Variants in UBAP1 observed in about 807,000 individuals in gnomAD.
The protein encoded by UBAP1 is ubiquitin-associated protein 1.
UBAP1 carries 5 observed loss-of-function variants against 39.0 expected under a neutral mutation model. The observed-to-expected ratio is 0.13, with a 90% CI of 0.07 to 0.27. UBAP1 has a LOEUF of 0.27. Ranked by LOEUF, UBAP1 falls within the 10% of genes least tolerant of loss-of-function variation. The probability of loss-of-function intolerance (pLI) is 1.00; values close to 1 mark genes in which losing one functional copy is unlikely to be tolerated. For missense variants in UBAP1, 490 were observed against 608.1 expected (o/e 0.81, Z 2.04); for synonymous variants, 211 against 225.1 (o/e 0.94, Z 0.56).
At chr9:34,201,104 G>T (rs374026316) in intron 1 of UBAP1, among the ~76,000 whole-genome samples, 1 of 152,052 alleles carries the variant, frequency 6.6e-6, no homozygotes, top group African/African-American at 2.4e-5. Context: ...TAGTGGAGAC[G>T]TGGTTTCTCC....
intron 1 of UBAP1, among the ~76,000 whole-genome samples, chr9:34,215,981 A>G (rs543440128): frequency 6.6e-6 from 1 of 152,208 alleles, no homozygotes; most frequent in South Asian, 2.1e-4. Flanking sequence ...TATCAGCTCT[A>G]TTGAGGCATG....
intron 1 of UBAP1, among the ~76,000 whole-genome samples, chr9:34,199,313 T>TC (rs1160479284): frequency 2.0e-5 from 3 of 152,104 alleles, no homozygotes; most frequent in Non-Finnish European, 2.9e-5. Context: ...GACCTTGTGA[T>TC]CCCCCCGCCT....
chr9:34,248,381 G>A (rs529137633), intron 4 of UBAP1, among the ~76,000 whole-genome samples: 2 of 152,310 alleles, frequency 1.3e-5, no homozygotes, highest in South Asian at 4.1e-4. Context: ...CTGGGTGTAT[G>A]CCTGCATCCC....
At chr9:34,239,727 G>A (rs1173588476) in intron 3 of UBAP1, among the ~76,000 whole-genome samples, 1 of 152,132 alleles carries the variant, frequency 6.6e-6, no homozygotes, top group African/African-American at 2.4e-5. Flanking sequence ...TCTGTAAAGG[G>A]AGGATGAGGA....
intron 1 of UBAP1, among the ~76,000 whole-genome samples, chr9:34,207,130 C>T (rs763331970): frequency 2.2e-5 from 3 of 136,740 alleles, no homozygotes; most frequent in Non-Finnish European, 4.5e-5. Flanking sequence ...CAGCTCACTG[C>T]AACCTCTGCC....
intron 1 of UBAP1, among the ~76,000 whole-genome samples, chr9:34,212,392 A>AACACACACAC (rs35251034): frequency 0.097 from 13,777 of 142,076 alleles, 827 homozygotes; most frequent in East Asian, 0.29. Flanking sequence ...TTTCTATTAA[A>AACACACACAC]ACACACACAC....
intron 1 of UBAP1, among the ~76,000 whole-genome samples, chr9:34,187,017 C>T (rs1056841250): frequency 6.6e-6 from 1 of 152,106 alleles, no homozygotes; most frequent in African/African-American, 2.4e-5. Context: ...AAGCAATTCT[C>T]CTGTCTCAGC....
At position 34,179,076 on chromosome 9, in the gene UBAP1, C is replaced by G; in HGVS notation, c.-172C>G. 11 of 1,279,022 alleles carry G rather than the reference C, an allele frequency of 8.6e-6. No individual in the cohort carries two copies. Among genetic ancestry groups the G allele is most frequent in the Non-Finnish European group, 1.1e-5 (11 of 1,010,620 alleles). 79.2% of individuals were successfully genotyped at this position (1,279,022 alleles called of 1,614,324 possible). A position where few individuals can be genotyped will look rare whatever the true frequency, so the allele number is the denominator to read the frequency against. On this transcript the variant is annotated 5_prime_UTR_variant, in exon 1 of 7. Transcript: ENST00000297661. ...GGACTTCAACATGGCGGCTGCGGCA[C>G]TGGCGGTGGCTACGGTGACGGCCTG...
chr9:34,228,736 A>T (rs1833247205), intron 2 of UBAP1, among the ~76,000 whole-genome samples: 2 of 140,894 alleles, frequency 1.4e-5, no homozygotes, highest in African/African-American at 2.6e-5. Flanking sequence ...TGCCTAGCTA[A>T]TTTTTTTTTT....
chr9:34,238,530 C>T (rs1336228629), intron 3 of UBAP1, among the ~76,000 whole-genome samples: 5 of 152,174 alleles, frequency 3.3e-5, no homozygotes, highest in Admixed American at 2.0e-4. Context: ...CTTATTAACT[C>T]GTTTTCATTA....
At chr9:34,189,479 G>T (rs773536350) in intron 1 of UBAP1, among the ~76,000 whole-genome samples, 3 of 151,850 alleles carry the variant, frequency 2.0e-5, no homozygotes, top group Non-Finnish European at 2.9e-5. Context: ...ATGAGCCACC[G>T]CACCCGGCCG....
At chr9:34,205,350 T>C (rs917207177) in intron 1 of UBAP1, among the ~76,000 whole-genome samples, 1 of 152,222 alleles carries the variant, frequency 6.6e-6, no homozygotes, top group African/African-American at 2.4e-5. Context: ...ATTCTGATTT[T>C]TAACTAGTCA....
chr9:34,241,374 A>G lies in UBAP1; in HGVS notation c.349A>G (p.Ile117Val), dbSNP rs145771010. The change falls in exon 4 of 7, where the codon ATT becomes GTT. Residue 117 changes from isoleucine (I) to valine (V), a missense_variant. By Grantham distance (29) the Ile-to-Val change is conservative. Around this residue, in one of 3 missense-constraint regions of UBAP1, gnomAD observed 144 missense variants for 184.4 expected, o/e 0.78. Coordinates refer to ENST00000297661, the MANE Select transcript of UBAP1 (RefSeq NM_016525.5). ...CAGTACAGCCACAATGCCACCTCCT[A>G]TTAACCCCATCCTCGCCAGCTTGCA... ...THSTATMPPPINPILASLQHN... is the reference protein window; with the variant it reads ...THSTATMPPPVNPILASLQHN... 4 of 1,556,354 alleles carry G rather than the reference A, an allele frequency of 2.6e-6. No homozygotes were observed. The African/African-American group carries it at 5.5e-5, about 21-fold the overall frequency.
At chr9:34,202,674 T>TGTGTGTGTGTGTGTGTCC (rs1831459820) in intron 1 of UBAP1, among the ~76,000 whole-genome samples, 1 of 143,764 alleles carries the variant, frequency 7.0e-6, no homozygotes, top group African/African-American at 2.5e-5. Flanking sequence ...TGTGTGTGTG[T>TGTGTGTGTGTGTGTGTCC]GTGTCCCCGT....
chr9:34,218,044 A>G (rs1024039273), intron 1 of UBAP1, among the ~76,000 whole-genome samples: 2 of 150,726 alleles, frequency 1.3e-5, no homozygotes, highest in Non-Finnish European at 3.0e-5. Context: ...CAAGGTCAAG[A>G]GATCCAGATT....
At position 34,249,813 on chromosome 9, in the gene UBAP1, C is replaced by A; in HGVS notation, c.1118C>A (p.Pro373His). Reference sequence around the variant, plus strand: ...CCTAATTTCTCAGTGTCACAAGTGCCCAACATGCCCAGCTGTCCCCAGGCC... The same window carrying A: ...CCTAATTTCTCAGTGTCACAAGTGCACAACATGCCCAGCTGTCCCCAGGCC... The part of the protein sequence containing the change: ...TPPNFSVSQV[P>H]NMPSCPQAYS... The change falls in exon 5 of 7, where the codon CCC becomes CAC. Residue 373 changes from proline (P) to histidine (H), a missense_variant. Physicochemically the swap from Pro to His is moderately conservative, Grantham distance 77. Transcript: ENST00000297661. 6.2e-6 allele frequency: 10 copies of A among 1,614,184 alleles called. No individual in the cohort carries two copies. Among genetic ancestry groups the A allele is most frequent in the Non-Finnish European group, 7.6e-6 (9 of 1,180,032 alleles).
chr9:34,192,086 G>A (rs964897651), intron 1 of UBAP1, among the ~76,000 whole-genome samples: 5 of 150,506 alleles, frequency 3.3e-5, no homozygotes, highest in African/African-American at 9.8e-5. Context: ...TCAAGTGATC[G>A]TCCCTCCATG....
At chr9:34,205,947 G>A (rs573144484) in intron 1 of UBAP1, among the ~76,000 whole-genome samples, 12 of 152,304 alleles carry the variant, frequency 7.9e-5, no homozygotes, top group East Asian at 3.9e-4. Context: ...AGCCAAGATC[G>A]TGCCACTGCA....
chr9:34,181,776 T>G (rs904208397), intron 1 of UBAP1, among the ~76,000 whole-genome samples: 6 of 148,522 alleles, frequency 4.0e-5, no homozygotes, highest in African/African-American at 1.5e-4. Flanking sequence ...AAAATTAAAC[T>G]CTGTAAATAT....
Sources: allele counts gnomAD v4.1 joint callset (sites outside exome capture counted in the v4.1 genomes callset), GRCh38; gene constraint gnomAD v4.1.1; regional missense constraint gnomAD v4.1.1; transcripts MANE v1.5; gene names NCBI Gene and HGNC (gene_info 2026-07-23, HGNC 2026-07-21).